Variants in ETFBKMT observed in about 807,000 individuals in gnomAD.
The protein encoded by ETFBKMT is electron transfer flavoprotein subunit beta lysine methyltransferase, also known as electron transfer flavoprotein beta subunit lysine methyltransferase.
ETFBKMT carries 13 observed loss-of-function variants against 18.3 expected under a neutral mutation model. The observed-to-expected ratio is 0.71, with a 90% CI of 0.46 to 1.13. The LOEUF (loss-of-function observed/expected upper bound fraction) is 1.13. Among genes scored for constraint, ETFBKMT ranks in the 50% most tolerant of loss-of-function variants. The pLI is 0.00. For synonymous variants in ETFBKMT, 84 were observed against 107.9 expected, an observed-to-expected ratio of 0.78 and a Z score of 1.37; for missense variants, 293 against 306.2, an observed-to-expected ratio of 0.96 and a Z score of 0.32.
chr12:31,664,778 G>C (rs1367372797), intron 2 of ETFBKMT, among the ~76,000 whole-genome samples: 1 of 151,716 alleles, frequency 6.6e-6, no homozygotes, highest in Non-Finnish European at 1.5e-5. Context: ...ACCACGCCTG[G>C]CTAATTTTGT....
intron 1 of ETFBKMT, among the ~76,000 whole-genome samples, chr12:31,649,800 G>T (rs77525383): frequency 6.9e-6 from 1 of 144,728 alleles, no homozygotes. Flanking sequence ...ATCTCTCTCC[G>T]TAGCGAAGTA....
At chr12:31,648,557 C>CTTTTTTTTTT (rs764501978) in intron 1 of ETFBKMT, among the ~76,000 whole-genome samples, 1 of 82,988 alleles carries the variant, frequency 1.2e-5, no homozygotes, top group Non-Finnish European at 2.1e-5. Context: ...AGATGGGTTT[C>CTTTTTTTTTT]TTTTTTTTTT....
At position 31,672,040 on chromosome 12, in the gene ETFBKMT, A is replaced by T. The variant is rs534813222; in HGVS notation, c.*4050A>T. 1 of 340,366 alleles carries T rather than the reference A, an allele frequency of 2.9e-6. No individual in the cohort carries two copies. The highest frequency in any genetic ancestry group is 5.4e-6 in the Non-Finnish European group (1 of 186,276). 21.1% of individuals were successfully genotyped at this position (340,366 alleles called of 1,614,324 possible). ...TAAGAAACAGAATCCAACACCATAGATCAGAGTTCATGCTAGGATTATCAT... is the reference window on the plus strand; with the variant it reads ...TAAGAAACAGAATCCAACACCATAGTTCAGAGTTCATGCTAGGATTATCAT... On this transcript the variant is annotated 3_prime_UTR_variant, in exon 4 of 4. Transcript: ENST00000357721.
upstream of ETFBKMT, chr12:31,659,216 C>G (rs991724463): frequency 6.6e-6 from 1 of 152,274 alleles, no homozygotes; most frequent in Non-Finnish European, 1.5e-5. Flanking sequence ...CGTCCCGCCC[C>G]CTGCCGGGCC....
At chr12:31,656,780 T>C (rs544021807), upstream of ETFBKMT, among the ~76,000 whole-genome samples, 39 of 152,340 alleles carry the variant, frequency 2.6e-4, no homozygotes, top group Middle Eastern at 3.4e-3. Flanking sequence ...TTCCTTGTCT[T>C]CAGTCTTGCC....
chr12:31,665,997 G>A, intron 2 of ETFBKMT, 90 bp from the exon 3 acceptor site: 1 of 1,149,374 alleles, frequency 8.7e-7, no homozygotes, highest in Non-Finnish European at 1.2e-6. Context: ...GCCAGTTTTG[G>A]GGCCAGTTTA....
chr12:31,665,941 A>C, intron 2 of ETFBKMT, 146 bp from the exon 3 acceptor site: 2 of 586,038 alleles, frequency 3.4e-6, no homozygotes, highest in Non-Finnish European at 5.7e-6. Flanking sequence ...CGTGGGTGTT[A>C]TGGCCATCAT....
intron 2 of ETFBKMT, among the ~76,000 whole-genome samples, chr12:31,663,520 C>G (rs1951155465): frequency 6.6e-6 from 1 of 152,216 alleles, no homozygotes; most frequent in East Asian, 1.9e-4. Context: ...GCCATCGTGC[C>G]TGGCAGTAGC....
At chr12:31,665,788 A>G (rs1326724496) in intron 2 of ETFBKMT, among the ~76,000 whole-genome samples, 1 of 152,232 alleles carries the variant, frequency 6.6e-6, no homozygotes, top group Non-Finnish European at 1.5e-5. Context: ...GGGTTGGGTT[A>G]GTTATCTGCA....
At chr12:31,660,948 T>C (rs1951114357) in intron 1 of ETFBKMT, 1 of 152,240 alleles carries the variant, frequency 6.6e-6, no homozygotes, top group Non-Finnish European at 1.5e-5. Flanking sequence ...TTACCAAGCA[T>C]GCCTACTTTG....
At chr12:31,658,991 G>T (rs1458603575), upstream of ETFBKMT, among the ~76,000 whole-genome samples, 1 of 150,210 alleles carries the variant, frequency 6.7e-6, no homozygotes, top group Non-Finnish European at 1.5e-5. Context: ...CCCGGTGCCT[G>T]GAAGTGCGAC....
In ETFBKMT at chr12:31,667,993, T is replaced by G; in HGVS notation, c.*3T>G. 1 of 1,607,090 alleles carries G rather than the reference T, an allele frequency of 6.2e-7. No individual in the cohort carries two copies. On this transcript the variant is annotated 3_prime_UTR_variant, in exon 4 of 4. Transcript: ENST00000357721. ...CAGTGTGGGGTTTTCAGCCTTGAGT[T>G]GTCAAAGTGCTTCCAAGTATGAATA...
upstream of ETFBKMT, among the ~76,000 whole-genome samples, chr12:31,656,903 G>A (rs1162712043): frequency 6.6e-6 from 1 of 152,162 alleles, no homozygotes; most frequent in African/African-American, 2.4e-5. Flanking sequence ...CTATCTCTGT[G>A]TTTCTAATAA....
intron 1 of ETFBKMT, among the ~76,000 whole-genome samples, chr12:31,650,381 C>T (rs1001225408): frequency 1.3e-5 from 2 of 152,232 alleles, no homozygotes; most frequent in East Asian, 1.9e-4. Flanking sequence ...ATAATCCACC[C>T]GTTGTTTAGC....
chr12:31,648,625 A>T (rs560273393), intron 1 of ETFBKMT, among the ~76,000 whole-genome samples: 1 of 136,844 alleles, frequency 7.3e-6, no homozygotes, highest in Non-Finnish European at 1.5e-5. Flanking sequence ...TCAGTGGCGC[A>T]ATCTCGGCTC....
chr12:31,657,104 T>C (rs1294328592), upstream of ETFBKMT, among the ~76,000 whole-genome samples: 1 of 152,248 alleles, frequency 6.6e-6, no homozygotes, highest in Non-Finnish European at 1.5e-5. Context: ...ATAAGTGTAA[T>C]TGAATAACTT....
intron 3 of ETFBKMT, among the ~76,000 whole-genome samples, chr12:31,666,890 C>G (rs1005947337): frequency 6.6e-6 from 1 of 151,920 alleles, no homozygotes; most frequent in Admixed American, 6.6e-5. Context: ...ATCTCCTGAC[C>G]TCGTGATCTG....
chr12:31,661,884 G>C lies in ETFBKMT; in HGVS notation c.-70G>C, dbSNP rs1338969838. The C allele has an allele frequency of 6.9e-6, 10 of 1,439,298 alleles. No homozygotes were observed. The highest frequency in any genetic ancestry group is 1.8e-4 in the Middle Eastern group (1 of 5,594). The allele number at this position is 1,439,298 out of a possible 1,614,324, so 89.2% of individuals were successfully genotyped here. On this transcript the variant is annotated 5_prime_UTR_variant, in exon 2 of 4. Coordinates refer to ENST00000357721, the MANE Select transcript of ETFBKMT (RefSeq NM_001135863.2). ...AGATCAAGTTGGGAGACACACCCTT[G>C]TTCATTCTCCTTGAGAAGCAGCTAT... is the stretch of plus-strand genomic sequence containing the variant.
intron 1 of ETFBKMT, among the ~76,000 whole-genome samples, chr12:31,649,097 G>C (rs1303508748): frequency 6.6e-6 from 1 of 152,158 alleles, no homozygotes; most frequent in Non-Finnish European, 1.5e-5. Flanking sequence ...GATTACAGGC[G>C]CCCACCACCA....
Sources: gnomAD v4.1 joint callset for allele counts (sites outside exome capture counted in the v4.1 genomes callset) on GRCh38, gnomAD v4.1.1 for gene constraint, MANE v1.5 for transcripts, NCBI Gene and HGNC (gene_info 2026-07-23, HGNC 2026-07-21) for gene names.